The following CA12 variants were observed in gnomAD, a reference collection of about 807,000 sequenced individuals.
The protein encoded by CA12 is carbonate dehydratase XII.
CA12 carries 36 observed loss-of-function variants against 46.8 expected under a neutral mutation model. The observed-to-expected ratio is 0.77, with a 90% confidence interval of 0.59 to 1.02. The LOEUF (loss-of-function observed/expected upper bound fraction) is 1.02, where lower values mean the gene tolerates loss of function less well. Ranked by LOEUF, CA12 falls within the 50% of genes least tolerant of loss-of-function variation. The pLI is 0.00. For missense variants in CA12, 436 were observed against 451.4 expected (o/e 0.97, Z 0.31); for synonymous variants, 202 against 187.0 (o/e 1.08, Z -0.65).
intron 10 of CA12, 70 bp from the exon 11 acceptor site, chr15:63,326,427 G>C (rs921590572): frequency 7.9e-7 from 1 of 1,265,586 alleles, no homozygotes; most frequent in Non-Finnish European, 1.2e-6. Context: ...GCCTGACTCA[G>C]GTATGGAATG....
At chr15:63,361,683 G>A (rs914481465) in intron 2 of CA12, among the ~76,000 whole-genome samples, 1 of 152,168 alleles carries the variant, frequency 6.6e-6, no homozygotes, top group African/African-American at 2.4e-5. Context: ...TCTTGATGGA[G>A]TTGGCTGCTC....
chr15:63,346,107 A>G (rs1222933037), intron 3 of CA12, among the ~76,000 whole-genome samples: 1 of 152,234 alleles, frequency 6.6e-6, no homozygotes, highest in Non-Finnish European at 1.5e-5. Flanking sequence ...CAAGGAGACT[A>G]AAATTCTCAC....
chr15:63,381,603 G>C, intron 1 of CA12, 33 bp downstream of exon 1: 1 of 1,578,348 alleles, frequency 6.3e-7, no homozygotes, highest in Non-Finnish European at 8.7e-7. Context: ...GAGCGCTCAG[G>C]AGTGTTAGGA....
intron 4 of CA12, 98 bp from the exon 5 acceptor site, chr15:63,342,195 C>A (rs1335049448): frequency 3.9e-6 from 3 of 765,330 alleles, no homozygotes; most frequent in Admixed American, 2.0e-5. Context: ...GACAGAACCC[C>A]AGCCCCCTCA....
At chr15:63,350,203 G>A (rs2039210533) in intron 2 of CA12, among the ~76,000 whole-genome samples, 1 of 152,188 alleles carries the variant, frequency 6.6e-6, no homozygotes, top group African/African-American at 2.4e-5. Context: ...GCATGTGAGA[G>A]ATAGAGGTGC....
rs2039602282 is a variant in CA12, at chr15:63,378,244, CA to C, written c.86-2567del. 6.6e-6 allele frequency among the ~76,000 whole-genome samples: 1 copy of C among 152,124 alleles called. No homozygotes were observed. Among genetic ancestry groups the C allele is most frequent in the Non-Finnish European group, 1.5e-5 (1 of 68,018 alleles). ...CTCTACTAAAAATACAAAAATTAGGCAGGCGTGGTGGCGGGTGCCTGTAATC... is the reference window on the plus strand; with the variant it reads ...CTCTACTAAAAATACAAAAATTAGGCGGCGTGGTGGCGGGTGCCTGTAATC... On this transcript the variant is annotated intron_variant, in intron 1 of 10. Coordinates refer to ENST00000178638, the MANE Select transcript of CA12 (RefSeq NM_001218.5). This position sits in a 1 kb window ranked among gnomAD's most constrained non-coding sequence, Gnocchi z 4.8.
intron 4 of CA12, among the ~76,000 whole-genome samples, chr15:63,344,677 TC>T (rs1367644152): frequency 6.6e-6 from 1 of 152,166 alleles, no homozygotes; most frequent in Non-Finnish European, 1.5e-5. Flanking sequence ...TACCACGGAC[TC>T]CCCTGGCTGA....
chr15:63,364,710 T>C (rs2039416947), intron 2 of CA12, among the ~76,000 whole-genome samples: 2 of 152,236 alleles, frequency 1.3e-5, no homozygotes, highest in African/African-American at 4.8e-5. Flanking sequence ...GGCACATTTC[T>C]GGCATATGCC....
rs1336619631 is a variant in CA12, at chr15:63,331,442, C to T, written c.875-3312G>A. Among the ~76,000 whole-genome samples the T allele has an allele frequency of 6.6e-6, 1 of 152,146 alleles. No homozygotes were observed. The stretch of plus-strand genomic sequence containing the variant: ...TGAATAGGAAAGAAGGGAGGCGATT[C>T]CCACGGAAGAACAATGGGACAGACA... On this transcript the variant is annotated intron_variant, in intron 8 of 10. Coordinates refer to ENST00000178638, the MANE Select transcript of CA12 (RefSeq NM_001218.5). The surrounding 1 kb of genome is among the most constrained non-coding windows in gnomAD (Gnocchi z 5.3).
rs774844528 is a variant in CA12, at chr15:63,375,652, A to G, written c.106+6T>C. On this transcript the variant is annotated splice_donor_region_variant and intron_variant, in intron 2 of 10. Coordinates refer to ENST00000178638, the MANE Select transcript of CA12 (RefSeq NM_001218.5). ...CAACAAAAAAGTATTTAAAATCTCT[A>G]CTTACCAAAATAAGTCCACTTGGAA... 4 of 1,545,676 alleles carry G rather than the reference A, an allele frequency of 2.6e-6. No homozygotes were observed. Among genetic ancestry groups the G allele is most frequent in the African/African-American group, 2.7e-5 (2 of 73,586 alleles).
At position 63,328,549 on chromosome 15, in the gene CA12, T is replaced by A. The variant is rs1253231304; in HGVS notation, c.875-419A>T. ...CAGGGTTTCACCATCTTGGCCAGGC[T>A]GGTCTTGAACTCCTGACCTCATTAT... On this transcript the variant is annotated intron_variant, in intron 8 of 10. Transcript: ENST00000178638. This position sits in a 1 kb window ranked among gnomAD's most constrained non-coding sequence, Gnocchi z 5.9. Among the ~76,000 whole-genome samples, 3 of 152,180 alleles carry A rather than the reference T, an allele frequency of 2.0e-5. No homozygotes were observed. The highest frequency in any genetic ancestry group is 2.9e-5 in the Non-Finnish European group (2 of 68,020).
intron 2 of CA12, among the ~76,000 whole-genome samples, chr15:63,357,891 C>T (rs1000202262): frequency 3.9e-5 from 6 of 152,122 alleles, no homozygotes; most frequent in African/African-American, 1.2e-4. Flanking sequence ...TTGCCTCTTC[C>T]GGATAGTTCA....
chr15:63,357,008 A>C (rs1001379678), intron 2 of CA12, among the ~76,000 whole-genome samples: 1 of 152,252 alleles, frequency 6.6e-6, no homozygotes, highest in African/African-American at 2.4e-5. Flanking sequence ...AGCCGTAAAA[A>C]GGCTGATCTC....
intron 2 of CA12, among the ~76,000 whole-genome samples, chr15:63,360,086 TC>T (rs1254121689): frequency 1.3e-5 from 2 of 152,212 alleles, no homozygotes; most frequent in Non-Finnish European, 2.9e-5. Context: ...AACAAGTTAG[TC>T]TGCCAGTTTC....
intron 2 of CA12, among the ~76,000 whole-genome samples, chr15:63,353,619 C>G (rs752358462): frequency 2.6e-5 from 4 of 152,208 alleles, no homozygotes; most frequent in Non-Finnish European, 5.9e-5. Context: ...ACAGAGAACA[C>G]AGCTAAGCCA....
rs923588145 is a variant in CA12, at chr15:63,327,020, C to T, written c.992+129G>A. ...GGCCAGGGCACGGGTGCTTTGGGGACGGCCCTCCTAGGGTAAGTGGTGGTC... is the reference window on the plus strand; with the variant it reads ...GGCCAGGGCACGGGTGCTTTGGGGATGGCCCTCCTAGGGTAAGTGGTGGTC... On this transcript the variant is annotated intron_variant, in intron 10 of 10. Transcript: ENST00000178638. The surrounding 1 kb of genome is among the most constrained non-coding windows in gnomAD (Gnocchi z 4.5). 2.4e-5 allele frequency: 19 copies of T among 790,146 alleles called. No individual in the cohort carries two copies. The highest frequency in any genetic ancestry group is 2.0e-4 in the Admixed American group (10 of 49,980). The allele number at this position is 790,146 out of a possible 1,614,324, so 48.9% of individuals were successfully genotyped here.
At position 63,355,565 on chromosome 15, in the gene CA12, A is replaced by T. The variant is rs764866678; in HGVS notation, c.107-8856T>A. 6.6e-6 allele frequency among the ~76,000 whole-genome samples: 1 copy of T among 152,226 alleles called. No homozygotes were observed. The highest frequency in any genetic ancestry group is 2.4e-5 in the African/African-American group (1 of 41,466). ...GGCTGAGGCTGAGAAGCGCTGCACTAGACTGTCAGCTCGCTTTCTGCATGC... is the reference window on the plus strand; with the variant it reads ...GGCTGAGGCTGAGAAGCGCTGCACTTGACTGTCAGCTCGCTTTCTGCATGC... On this transcript the variant is annotated intron_variant, in intron 2 of 10. Coordinates refer to ENST00000178638, the MANE Select transcript of CA12 (RefSeq NM_001218.5). This position sits in a 1 kb window ranked among gnomAD's most constrained non-coding sequence, Gnocchi z 4.1.
Position 63,338,952 on chromosome 15 carries a change from G to A in CA12, c.748-7C>T, listed in dbSNP as rs369453742. 1.5e-4 allele frequency: 238 copies of A among 1,614,148 alleles called. No individual in the cohort carries two copies. Among genetic ancestry groups the A allele is most frequent in the Non-Finnish European group, 2.0e-4 (233 of 1,180,020 alleles). On this transcript the variant is annotated splice_polypyrimidine_tract_variant and splice_region_variant and intron_variant, in intron 7 of 10. Transcript: ENST00000178638. ...CTGTCTCCAAAGCCAGCAGCTGAGG[G>A]CAAGAGCAGAAATAGCCCGCAGGCA...
chr15:63,333,898 G>T (rs1469484507), intron 8 of CA12, among the ~76,000 whole-genome samples: 2 of 152,138 alleles, frequency 1.3e-5, no homozygotes, highest in Non-Finnish European at 2.9e-5. Context: ...GCTTCCTTTT[G>T]TCCCTCAAGT....
Sources: allele counts gnomAD v4.1 joint callset (sites outside exome capture counted in the v4.1 genomes callset), GRCh38; gene constraint gnomAD v4.1.1; non-coding constraint Gnocchi (gnomAD v3.1); transcripts MANE v1.5; gene names NCBI Gene and HGNC (gene_info 2026-07-23, HGNC 2026-07-21).